SFT2D2: variants seen among roughly 807,000 people sequenced by gnomAD.
SFT2D2 encodes the protein vesicle transport protein SFT2B.
Under a neutral mutation model 27.4 loss-of-function variants are expected in SFT2D2, and 21 were observed. The ratio of observed to expected loss-of-function variants is 0.77; its 90% CI spans 0.54 to 1.10. The LOEUF (loss-of-function observed/expected upper bound fraction) is 1.10. Among genes scored for constraint, SFT2D2 ranks in the 50% least tolerant of loss-of-function variants. The pLI, the probability that SFT2D2 is intolerant of heterozygous loss-of-function variation, is 0.00. For missense variants in SFT2D2, 187 were observed against 194.2 expected (o/e 0.96, Z 0.22); for synonymous variants, 72 against 71.7 (o/e 1.00, Z -0.02).
chr1:168,238,709 T>A (rs12142637), intron 6 of SFT2D2, among the ~76,000 whole-genome samples: 14,731 of 151,130 alleles, frequency 0.097, 840 homozygotes, highest in African/African-American at 0.15. Context: ...AAAAAAAAAA[T>A]AAATAAATAA....
rs758550509 is a variant in SFT2D2, at chr1:168,246,870, C to T, written c.*4330C>T. The T allele has an allele frequency of 1.6e-6, 1 of 624,564 alleles. No individual in the cohort carries two copies. The highest frequency in any genetic ancestry group is 2.8e-6 in the Non-Finnish European group (1 of 352,060). 38.7% of individuals were successfully genotyped at this position (624,564 alleles called of 1,614,324 possible). On this transcript the variant is annotated 3_prime_UTR_variant, in exon 8 of 8. Coordinates refer to ENST00000271375, the MANE Select transcript of SFT2D2 (RefSeq NM_199344.3). ...AGCCTTTTGAAGGTCTTCATGCTTT[C>T]TTTTTATAATTTCAATGTCTTTTAA...
At position 168,226,096 on chromosome 1, in the gene SFT2D2, A is replaced by G. The variant is rs1301576305; in HGVS notation, c.17A>G (p.Lys6Arg). The part of the protein sequence containing the change: MDKLK[K>R]VLSGQDTEDR... ...TGGGCCGCAATGGACAAGCTGAAGA[A>G]GGTGCTGAGCGGGCAGGACACGGAG... The change falls in exon 1 of 8, where the codon AAG becomes AGG. Residue 6 changes from lysine to arginine, a missense_variant. Lys to Arg is a conservative substitution (Grantham distance 26, BLOSUM62 2). Transcript: ENST00000271375. 1 of 1,534,642 alleles carries G rather than the reference A, an allele frequency of 6.5e-7. No homozygotes were observed. Among genetic ancestry groups the G allele is most frequent in the Non-Finnish European group, 8.8e-7 (1 of 1,139,836 alleles).
chr1:168,239,457 G>GTT (rs34187475), intron 7 of SFT2D2, among the ~76,000 whole-genome samples: 2,376 of 129,434 alleles, frequency 0.018, 81 homozygotes, highest in African/African-American at 0.062. Flanking sequence ...TTTGAGTAGG[G>GTT]TTTTTTTTTT....
intron 3 of SFT2D2, among the ~76,000 whole-genome samples, chr1:168,233,911 C>T (rs1305944354): frequency 1.3e-5 from 2 of 152,140 alleles, no homozygotes; most frequent in African/African-American, 2.4e-5. Context: ...GCTTCTTATT[C>T]GGTGTAGGTT....
intron 6 of SFT2D2, among the ~76,000 whole-genome samples, chr1:168,237,768 T>C (rs985904814): frequency 6.6e-6 from 1 of 152,186 alleles, no homozygotes; most frequent in African/African-American, 2.4e-5. Flanking sequence ...TGGAATTTAC[T>C]GTGTTGACAA....
At chr1:168,230,408 A>G (rs1416582522) in intron 1 of SFT2D2, among the ~76,000 whole-genome samples, 1 of 152,218 alleles carries the variant, frequency 6.6e-6, no homozygotes, top group Non-Finnish European at 1.5e-5. Flanking sequence ...GTCTTTGTCC[A>G]GCTTGGAACA....
intron 7 of SFT2D2, among the ~76,000 whole-genome samples, chr1:168,240,599 A>G (rs1647619017): frequency 6.6e-6 from 1 of 152,026 alleles, no homozygotes; most frequent in African/African-American, 2.4e-5. Context: ...CCCAGTGCAA[A>G]ATAAAAATGT....
chr1:168,236,629 A>C lies in SFT2D2; in HGVS notation c.354+5A>C. 1 of 1,613,408 alleles carries C rather than the reference A, an allele frequency of 6.2e-7. No individual in the cohort carries two copies. Among genetic ancestry groups the C allele is most frequent in the South Asian group, 1.1e-5 (1 of 91,050 alleles). On this transcript the variant is annotated splice_donor_5th_base_variant and intron_variant, in intron 5 of 7. Transcript: ENST00000271375. ...ACCCTGTGTTCTGCCTTTTGGGTAA[A>C]TGTATATTTTAATTTTTCTTAACCA...
chr1:168,250,846 C>A lies in SFT2D2; in HGVS notation c.*8306C>A, dbSNP rs559790010. 6.6e-6 allele frequency: 1 copy of A among 152,266 alleles called. No individual in the cohort carries two copies. Among genetic ancestry groups the A allele is most frequent in the Admixed American group, 6.5e-5 (1 of 15,296 alleles). 9.4% of individuals were successfully genotyped at this position (152,266 alleles called of 1,614,324 possible). ...TTGTCTGGGAAGGGCAAAACATGGT[C>A]CCCAGTGTAGCATTTTCACTGGGTT... On this transcript the variant is annotated 3_prime_UTR_variant, in exon 8 of 8. Coordinates refer to ENST00000271375, the MANE Select transcript of SFT2D2 (RefSeq NM_199344.3).
At chr1:168,241,117 A>G (rs1380072885) in intron 7 of SFT2D2, among the ~76,000 whole-genome samples, 1 of 150,860 alleles carries the variant, frequency 6.6e-6, no homozygotes, top group Non-Finnish European at 1.5e-5. Context: ...AGGGAATTTT[A>G]TTTGAGATAG....
chr1:168,237,185 C>T (rs1647526783), intron 6 of SFT2D2, among the ~76,000 whole-genome samples: 1 of 152,170 alleles, frequency 6.6e-6, no homozygotes, highest in Non-Finnish European at 1.5e-5. Context: ...ATGAATGTTA[C>T]ATTTGTGATA....
rs543721235 is a variant in SFT2D2 at position 168,235,505 on chromosome 1, C to G, written c.318+323C>G. ...CTTCCTGGTGACTGTGGAAGCCACA[C>G]ACAGGCAGGGCTTAGAGGGAATAAC... On this transcript the variant is annotated intron_variant, in intron 4 of 7. Transcript: ENST00000271375. 3.3e-4 allele frequency among the ~76,000 whole-genome samples: 51 copies of G among 152,324 alleles called. 1 individual carries two copies. In the South Asian group the frequency reaches 0.01, roughly 30 times the overall value.
At chr1:168,236,107 G>T (rs1282478499) in intron 4 of SFT2D2, among the ~76,000 whole-genome samples, 1 of 152,238 alleles carries the variant, frequency 6.6e-6, no homozygotes, top group Admixed American at 6.5e-5. Flanking sequence ...CTTGCAGAAA[G>T]AGCTTTCTAA....
At position 168,252,206 on chromosome 1, in the gene SFT2D2, T is replaced by G. The variant is rs1647966934; in HGVS notation, c.*9666T>G. 1 of 152,204 alleles carries G rather than the reference T, an allele frequency of 6.6e-6. No homozygotes were observed. Among genetic ancestry groups the G allele is most frequent in the Non-Finnish European group, 1.5e-5 (1 of 68,026 alleles). 9.4% of individuals were successfully genotyped at this position (152,204 alleles called of 1,614,324 possible). ...CTTAGAAATGTAGAAAATGATTTTT[T>G]GTAGACAGGATGATCTGTCTAGATT... On this transcript the variant is annotated 3_prime_UTR_variant, in exon 8 of 8. Transcript: ENST00000271375.
intron 4 of SFT2D2, among the ~76,000 whole-genome samples, chr1:168,236,224 T>G (rs1647494898): frequency 1.3e-5 from 2 of 152,250 alleles, no homozygotes; most frequent in Non-Finnish European, 2.9e-5. Flanking sequence ...TGCTTTCTGC[T>G]GCAGAGACTA....
Position 168,234,964 on chromosome 1 carries a change from A to T in SFT2D2, c.237-137A>T. On this transcript the variant is annotated intron_variant, in intron 3 of 7. Coordinates refer to ENST00000271375, the MANE Select transcript of SFT2D2 (RefSeq NM_199344.3). Reference sequence around the variant, plus strand: ...TGGATTAAATGAGAAAAATGCACGAAAGGCCCTTCAGCACAGTCAGAATGA... The same window carrying T: ...TGGATTAAATGAGAAAAATGCACGATAGGCCCTTCAGCACAGTCAGAATGA... 4 of 763,230 alleles carry T rather than the reference A, an allele frequency of 5.2e-6. No homozygotes were observed. In the East Asian group the frequency reaches 9.9e-5, roughly 19 times the overall value. The allele number at this position is 763,230 out of a possible 1,614,324, so 47.3% of individuals were successfully genotyped here.
chr1:168,242,441 C>G (rs554189563), intron 7 of SFT2D2, 60 bp from the exon 8 acceptor site: 1 of 1,607,298 alleles, frequency 6.2e-7, no homozygotes, highest in East Asian at 2.2e-5. Context: ...TGGGTGCCCT[C>G]TAAAGGAGTG....
Position 168,247,854 on chromosome 1 carries a change from T to C in SFT2D2, c.*5314T>C, listed in dbSNP as rs184167118. 2 of 152,368 alleles carry C rather than the reference T, an allele frequency of 1.3e-5. No homozygotes were observed. The highest frequency in any genetic ancestry group is 3.9e-4 in the East Asian group (2 of 5,186). 9.4% of individuals were successfully genotyped at this position (152,368 alleles called of 1,614,324 possible). On this transcript the variant is annotated 3_prime_UTR_variant, in exon 8 of 8. Transcript: ENST00000271375. ...AGCATCTGTGGCCACCATGCCACTTTTTAATGATTGCCATTCTAACTGGCA... is the reference window on the plus strand; with the variant it reads ...AGCATCTGTGGCCACCATGCCACTTCTTAATGATTGCCATTCTAACTGGCA...
rs1647316108 is a variant in SFT2D2, at chr1:168,231,600, G to T, written c.150G>T (p.Leu50=). Residue 50 remains leucine (L), a splice_region_variant and synonymous_variant, in exon 2 of 8, where the codon CTG becomes CTT. Coordinates refer to ENST00000271375, the MANE Select transcript of SFT2D2 (RefSeq NM_199344.3). ...CTATAGGAATTCTCTGCTCACTGCT[G>T]GTAAGATTTCCCTTCCTCCTCTGTC... is the stretch of plus-strand genomic sequence containing the variant. ...CFAIGILCSL[L]GTVLLWVPRK... The T allele has an allele frequency of 1.2e-6, 2 of 1,613,502 alleles. No homozygotes were observed. Among genetic ancestry groups the T allele is most frequent in the Non-Finnish European group, 1.7e-6 (2 of 1,179,718 alleles).
Sources: allele counts gnomAD v4.1 joint callset (sites outside exome capture counted in the v4.1 genomes callset), GRCh38; gene constraint gnomAD v4.1.1; transcripts MANE v1.5; gene names NCBI Gene and HGNC (gene_info 2026-07-23, HGNC 2026-07-21).